Variants in TGFBI observed in about 807,000 individuals in gnomAD.
TGFBI encodes transforming growth factor beta induced, also known as transforming growth factor-beta-induced protein ig-h3.
Under a neutral mutation model 73.7 loss-of-function variants are expected in TGFBI, and 50 were observed. The observed-to-expected ratio is 0.68, with a 90% CI of 0.54 to 0.86. The LOEUF (loss-of-function observed/expected upper bound fraction) is 0.86. TGFBI is among the 40% of genes least tolerant of loss of function. TGFBI has a pLI of 0.00. For synonymous variants in TGFBI, 362 were observed against 360.5 expected (o/e 1.00, Z -0.05); for missense variants, 839 against 877.0 (o/e 0.96, Z 0.55).
intron 15 of TGFBI, 123 bp from the exon 16 acceptor site, chr5:136,062,540 C>T (rs541227687): frequency 1.0e-6 from 1 of 994,966 alleles, no homozygotes; most frequent in African/African-American, 1.6e-5. Flanking sequence ...TTCCACCTTC[C>T]CCTTCCTCTT....
Position 136,055,809 on chromosome 5 carries a change from C to T in TGFBI, c.1540C>T (p.Arg514Cys), listed in dbSNP as rs200065806. The T allele has an allele frequency of 1.3e-4, 204 of 1,606,236 alleles. No homozygotes were observed. Among genetic ancestry groups the T allele is most frequent in the African/African-American group, 9.2e-4 (69 of 74,958 alleles). ...TVMDVLKGDN[R>C]FSMLVAAIQS... The stretch of plus-strand genomic sequence containing the variant: ...CATGGATGTCCTGAAGGGAGACAAT[C>T]GCTTTAGGTAATTAGTTCCATCCCC... The change falls in exon 11 of 17, where the codon CGC becomes TGC. Residue 514 changes from arginine to cysteine, a missense_variant. By Grantham distance (180) the Arg-to-Cys change is radical. Coordinates refer to ENST00000442011, the MANE Select transcript of TGFBI (RefSeq NM_000358.3).
intron 4 of TGFBI, 142 bp downstream of exon 4, chr5:136,046,637 G>A (rs1282398817): frequency 1.7e-5 from 22 of 1,282,686 alleles, no homozygotes; most frequent in Non-Finnish European, 2.3e-5. Flanking sequence ...AAAAGGCTGT[G>A]GAACTTGAGC....
rs1751054779 is a variant in TGFBI at position 136,029,016 on chromosome 5, C to A, written c.-40C>A. 4.6e-6 allele frequency: 7 copies of A among 1,510,840 alleles called. No homozygotes were observed. Among genetic ancestry groups the A allele is most frequent in the East Asian group, 2.7e-5 (1 of 37,708 alleles). The allele number at this position is 1,510,840 out of a possible 1,614,324, so 93.6% of individuals were successfully genotyped here. A position where few individuals can be genotyped will look rare whatever the true frequency, so the allele number is the denominator to read the frequency against. On this transcript the variant is annotated 5_prime_UTR_variant, in exon 1 of 17. Coordinates refer to ENST00000442011, the MANE Select transcript of TGFBI (RefSeq NM_000358.3). ...ACTTCCCTGGAGCCGCCCGCTTGCC[C>A]GTCGGTCGCTAGCTCGCTCGGTGCG...
At chr5:136,059,466 A>G (rs1751709106) in intron 13 of TGFBI, among the ~76,000 whole-genome samples, 1 of 152,202 alleles carries the variant, frequency 6.6e-6, no homozygotes. Flanking sequence ...CATCTGAGAG[A>G]GGCTATTAGA....
intron 15 of TGFBI, among the ~76,000 whole-genome samples, chr5:136,062,229 A>G (rs1398154260): frequency 6.6e-6 from 1 of 152,144 alleles, no homozygotes; most frequent in Non-Finnish European, 1.5e-5. Context: ...GAAAGATTGC[A>G]CTTCAAGAGG....
chr5:136,033,882 A>G (rs1561605624), intron 2 of TGFBI, 21 bp downstream of exon 2: 3 of 1,602,302 alleles, frequency 1.9e-6, no homozygotes, highest in Non-Finnish European at 2.6e-6. Context: ...GTAACCAGCC[A>G]GGAGACCAAG....
rs45498296 is a variant in TGFBI, at chr5:136,061,058, G to C, written c.1906+122G>C. 2,037 of 738,622 alleles carry C rather than the reference G, an allele frequency of 2.8e-3. 35 individuals carry two copies. The African/African-American group carries it at 0.032, about 12-fold the overall frequency. The allele number at this position is 738,622 out of a possible 1,614,324, so 45.8% of individuals were successfully genotyped here. A position where few individuals can be genotyped will look rare whatever the true frequency, so the allele number is the denominator to read the frequency against. Reference sequence around the variant, plus strand: ...AACATGTAATTGTGATAGTTAAACTGTGCCTATGTGACTGATTGCAGAGTG... The same window carrying C: ...AACATGTAATTGTGATAGTTAAACTCTGCCTATGTGACTGATTGCAGAGTG... On this transcript the variant is annotated intron_variant, in intron 14 of 16. Transcript: ENST00000442011.
chr5:136,063,376 T>A lies in TGFBI; in HGVS notation c.*150T>A. 1.4e-6 allele frequency: 1 copy of A among 709,604 alleles called. No individual in the cohort carries two copies. Among genetic ancestry groups the A allele is most frequent in the Non-Finnish European group, 2.5e-6 (1 of 408,076 alleles). 44.0% of individuals were successfully genotyped at this position (709,604 alleles called of 1,614,324 possible). On this transcript the variant is annotated 3_prime_UTR_variant, in exon 17 of 17. Transcript: ENST00000442011. ...TAATGAGATGTGAGCCTTGTGCATG[T>A]GGGGGAGGAGGGAGAGAGATGTACT...
chr5:136,040,027 T>G (rs1365252637), intron 2 of TGFBI, among the ~76,000 whole-genome samples: 5 of 152,246 alleles, frequency 3.3e-5, no homozygotes, highest in African/African-American at 9.6e-5. Flanking sequence ...TTCCAACGAC[T>G]TCTCGAGTAT....
Position 136,037,444 on chromosome 5 carries a change from G to A in TGFBI, c.233+3583G>A, listed in dbSNP as rs148385473. 3.2e-3 allele frequency among the ~76,000 whole-genome samples: 486 copies of A among 152,244 alleles called. 4 individuals are homozygous for A. Among genetic ancestry groups the A allele is most frequent in the African/African-American group, 0.011 (469 of 41,550 alleles). On this transcript the variant is annotated intron_variant, in intron 2 of 16. Coordinates refer to ENST00000442011, the MANE Select transcript of TGFBI (RefSeq NM_000358.3). ...GCAGGAAATTGTGGTCAGGAAGCCT[G>A]GCTGCCTCTCGACAGGCTTCCTTTG...
intron 12 of TGFBI, among the ~76,000 whole-genome samples, chr5:136,058,015 C>T (rs1201831948): frequency 6.6e-6 from 1 of 152,098 alleles, no homozygotes; most frequent in South Asian, 2.1e-4. Context: ...CACCCTCCCC[C>T]AGGCCTGAGG....
intron 1 of TGFBI, among the ~76,000 whole-genome samples, chr5:136,032,194 A>G (rs1193903726): frequency 2.0e-5 from 3 of 152,198 alleles, no homozygotes; most frequent in African/African-American, 7.2e-5. Flanking sequence ...AGGCCCAGCT[A>G]GGACTAGGGA....
At chr5:136,044,692 C>A (rs45481693) in intron 3 of TGFBI, 1,697 of 152,732 alleles carry the variant, frequency 0.011, 22 homozygotes, top group Middle Eastern at 0.024. Flanking sequence ...GACAGCATGG[C>A]ACCTGTGAAT....
At chr5:136,031,816 C>G (rs1217076586) in intron 1 of TGFBI, among the ~76,000 whole-genome samples, 1 of 152,136 alleles carries the variant, frequency 6.6e-6, no homozygotes. Flanking sequence ...CATGAACTTC[C>G]TATGTACACA....
At chr5:136,062,212 C>A (rs1751761291) in intron 15 of TGFBI, among the ~76,000 whole-genome samples, 1 of 152,148 alleles carries the variant, frequency 6.6e-6, no homozygotes, top group Non-Finnish European at 1.5e-5. Context: ...ATGTGAAGTG[C>A]CTTACAGAAA....
At chr5:136,050,107 C>T (rs765512978) in intron 7 of TGFBI, among the ~76,000 whole-genome samples, 2 of 152,114 alleles carry the variant, frequency 1.3e-5, no homozygotes, top group African/African-American at 4.8e-5. Flanking sequence ...ACAAGGTGGG[C>T]GGATCACCTG....
At chr5:136,052,391 C>T (rs1751552914) in intron 7 of TGFBI, among the ~76,000 whole-genome samples, 1 of 152,192 alleles carries the variant, frequency 6.6e-6, no homozygotes, top group Non-Finnish European at 1.5e-5. Flanking sequence ...TAACTCAAAG[C>T]TGTCATTTGT....
At chr5:136,056,480 G>A in intron 11 of TGFBI, 185 bp from the exon 12 acceptor site, 1 of 679,456 alleles carries the variant, frequency 1.5e-6, no homozygotes, top group Non-Finnish European at 2.5e-6. Context: ...GGAGAGAGCT[G>A]GAGCCTGGAA....
intron 2 of TGFBI, among the ~76,000 whole-genome samples, chr5:136,039,669 C>T (rs1751295070): frequency 6.6e-6 from 1 of 152,228 alleles, no homozygotes; most frequent in Admixed American, 6.5e-5. Flanking sequence ...CCCTCACATG[C>T]TGCATACAGA....
Sources: allele counts gnomAD v4.1 joint callset (sites outside exome capture counted in the v4.1 genomes callset), GRCh38; gene constraint gnomAD v4.1.1; transcripts MANE v1.5; gene names NCBI Gene and HGNC (gene_info 2026-07-23, HGNC 2026-07-21).